SFMBT2: variants seen among roughly 807,000 people sequenced by gnomAD.
SFMBT2 encodes the protein scm-like with four MBT domains protein 2.
Under a neutral mutation model 110.1 loss-of-function variants are expected in SFMBT2, and 38 were observed. That is an observed-to-expected ratio of 0.35 (90% CI 0.27 to 0.45). The LOEUF (loss-of-function observed/expected upper bound fraction) is 0.45, where lower values mean the gene tolerates loss of function less well. Among genes scored for constraint, SFMBT2 ranks in the 20% least tolerant of loss-of-function variants. The probability of loss-of-function intolerance (pLI) is 1.00; values close to 1 mark genes in which losing one functional copy is unlikely to be tolerated. For missense variants in SFMBT2, 1,011 were observed against 1,094.9 expected, an observed-to-expected ratio of 0.92 and a Z score of 1.08; for synonymous variants, 425 against 425.4, an observed-to-expected ratio of 1.00 and a Z score of 0.01.
At chr10:7,261,503 C>A (rs115440106) in intron 7 of SFMBT2, among the ~76,000 whole-genome samples, 1 of 152,146 alleles carries the variant, frequency 6.6e-6, no homozygotes. Context: ...GACTCACAGG[C>A]GAAATGACCA....
chr10:7,200,348 A>G, intron 14 of SFMBT2, 66 bp downstream of exon 14: 1 of 1,274,186 alleles, frequency 7.8e-7, no homozygotes, highest in Non-Finnish European at 1.1e-6. Context: ...CTAGAAACCT[A>G]TACATGTCTC....
At chr10:7,373,880 G>T (rs994437236) in intron 2 of SFMBT2, among the ~76,000 whole-genome samples, 3 of 152,196 alleles carry the variant, frequency 2.0e-5, no homozygotes, top group Admixed American at 6.5e-5. Context: ...GGCCGAAGGA[G>T]GCACAAGGTT....
At chr10:7,239,018 G>A (rs1055139402) in intron 9 of SFMBT2, among the ~76,000 whole-genome samples, 5 of 152,134 alleles carry the variant, frequency 3.3e-5, no homozygotes, top group Non-Finnish European at 7.4e-5. Flanking sequence ...AAGCCACACT[G>A]AAAAACTCGT....
chr10:7,311,314 TCTAGGTAGTC>T (rs1396564657), intron 4 of SFMBT2, among the ~76,000 whole-genome samples: 6 of 152,212 alleles, frequency 3.9e-5, no homozygotes, highest in Non-Finnish European at 1.5e-5. Context: ...AATGGCTATC[TCTAGGTAGTC>T]CATCTTTCAT....
intron 7 of SFMBT2, among the ~76,000 whole-genome samples, chr10:7,258,192 C>G (rs1841090642): frequency 6.6e-6 from 1 of 152,166 alleles, no homozygotes; most frequent in African/African-American, 2.4e-5. Flanking sequence ...CTCAGCATCC[C>G]AAAGTGCTGG....
intron 7 of SFMBT2, among the ~76,000 whole-genome samples, chr10:7,250,500 T>A (rs1477508736): frequency 6.6e-6 from 1 of 152,234 alleles, no homozygotes; most frequent in Non-Finnish European, 1.5e-5. Context: ...GATGGGCACT[T>A]AGGTTGATTC....
chr10:7,198,840 A>G (rs1288936831), intron 14 of SFMBT2, among the ~76,000 whole-genome samples: 1 of 152,190 alleles, frequency 6.6e-6, no homozygotes, highest in African/African-American at 2.4e-5. Flanking sequence ...CAGGAGTTCC[A>G]GATCAGCCTG....
chr10:7,230,037 T>A (rs1840070246), intron 9 of SFMBT2, among the ~76,000 whole-genome samples: 1 of 144,122 alleles, frequency 6.9e-6, no homozygotes, highest in African/African-American at 2.6e-5. Flanking sequence ...ATATATATAT[T>A]TAAGATGGGA....
chr10:7,346,518 A>T (rs995025242), intron 4 of SFMBT2, among the ~76,000 whole-genome samples: 1 of 152,174 alleles, frequency 6.6e-6, no homozygotes, highest in African/African-American at 2.4e-5. Flanking sequence ...TTCCATCAAC[A>T]GCAAAGATCA....
intron 4 of SFMBT2, among the ~76,000 whole-genome samples, chr10:7,315,048 G>GA (rs1197633563): frequency 2.3e-4 from 26 of 112,884 alleles, no homozygotes; most frequent in African/African-American, 7.9e-4. Flanking sequence ...GAGAAAGAAA[G>GA]AAAGAAAGAA....
rs146357510 is a variant in SFMBT2, at chr10:7,335,172, T to C, written c.436+32477A>G. ...AGGACTGGGAACCACGTTCAACATG[T>C]AGAGAGTTTCCAATGGGGGAGAGGA... On this transcript the variant is annotated intron_variant, in intron 4 of 20. Coordinates refer to ENST00000397167, the MANE Select transcript of SFMBT2 (RefSeq NM_001387889.1). Among the ~76,000 whole-genome samples, 1,505 of 152,276 alleles carry C rather than the reference T, an allele frequency of 9.9e-3. 21 individuals are homozygous for C. The highest frequency in any genetic ancestry group is 0.033 in the African/African-American group (1,392 of 41,564).
Position 7,233,025 on chromosome 10 carries a change from A to G in SFMBT2, c.1121-5088T>C, listed in dbSNP as rs1002340567. ...TAAGATGGGTAGGAGAAGGGTTTAC[A>G]GAAAAAAATTCTCTCTCTAACAAAA... On this transcript the variant is annotated intron_variant, in intron 9 of 20. Transcript: ENST00000397167. Among the ~76,000 whole-genome samples, 5 of 152,280 alleles carry G rather than the reference A, an allele frequency of 3.3e-5. No individual in the cohort carries two copies. The East Asian group carries it at 9.6e-4, about 29-fold the overall frequency.
At chr10:7,325,813 G>C (rs1843365326) in intron 4 of SFMBT2, among the ~76,000 whole-genome samples, 1 of 152,188 alleles carries the variant, frequency 6.6e-6, no homozygotes. Flanking sequence ...TGATGAAAAT[G>C]TTCTAATGTT....
At chr10:7,388,524 A>ATTTTTTTTTTTTTTTTTTTTTTTTTTT (rs60231769) in intron 1 of SFMBT2, among the ~76,000 whole-genome samples, 1 of 112,094 alleles carries the variant, frequency 8.9e-6, no homozygotes, top group Non-Finnish European at 1.8e-5. Context: ...TACCCAGCTA[A>ATTTTTTTTTTTTTTTTTTTTTTTTTTT]TTTTTTTTTT....
At chr10:7,401,325 C>T (rs960005471) in intron 1 of SFMBT2, among the ~76,000 whole-genome samples, 1 of 152,140 alleles carries the variant, frequency 6.6e-6, no homozygotes, top group Non-Finnish European at 1.5e-5. Context: ...CACCTCTCAA[C>T]CATAACATTC....
At chr10:7,409,845 T>C (rs1378678833) in intron 1 of SFMBT2, among the ~76,000 whole-genome samples, 1 of 151,716 alleles carries the variant, frequency 6.6e-6, no homozygotes, top group Non-Finnish European at 1.5e-5. Flanking sequence ...AAAGACTCCT[T>C]CCCCGCAGTT....
intron 9 of SFMBT2, among the ~76,000 whole-genome samples, chr10:7,232,453 C>G (rs980840456): frequency 1.3e-5 from 2 of 152,098 alleles, no homozygotes; most frequent in African/African-American, 4.8e-5. Context: ...AATGAAATAA[C>G]CTTCTGTGCA....
chr10:7,359,694 G>A (rs949722426), intron 4 of SFMBT2, among the ~76,000 whole-genome samples: 66 of 152,128 alleles, frequency 4.3e-4, no homozygotes, highest in Non-Finnish European at 1.2e-4. Context: ...ATTCGGCAAA[G>A]AACTTCCAGA....
intron 2 of SFMBT2, among the ~76,000 whole-genome samples, chr10:7,377,752 A>G (rs1845280827): frequency 6.6e-6 from 1 of 152,174 alleles, no homozygotes; most frequent in South Asian, 2.1e-4. Context: ...CTGTCAATAC[A>G]GATGAAACTC....
Sources: allele counts gnomAD v4.1 joint callset (sites outside exome capture counted in the v4.1 genomes callset), GRCh38; gene constraint gnomAD v4.1.1; transcripts MANE v1.5; gene names NCBI Gene and HGNC (gene_info 2026-07-23, HGNC 2026-07-21).